The following MEIOC variants were observed in gnomAD, a reference collection of about 807,000 sequenced individuals.
MEIOC encodes the protein meiosis-specific coiled-coil domain-containing protein MEIOC.
MEIOC carries 9 observed loss-of-function variants against 85.3 expected under a neutral mutation model. The ratio of observed to expected loss-of-function variants is 0.11; its 90% CI spans 0.06 to 0.18. The LOEUF (loss-of-function observed/expected upper bound fraction) is 0.18. MEIOC is among the 10% of genes least tolerant of loss of function. MEIOC has a pLI of 1.00. For missense variants in MEIOC, 898 were observed against 1,129.4 expected (o/e 0.80, Z 2.94); for synonymous variants, 365 against 393.7 (o/e 0.93, Z 0.86).
Position 44,656,620 on chromosome 17 carries a change from G to C in MEIOC, c.7G>C (p.Val3Leu). 2.7e-6 allele frequency: 4 copies of C among 1,480,334 alleles called. No individual in the cohort carries two copies. The highest frequency in any genetic ancestry group is 3.6e-6 in the Non-Finnish European group (4 of 1,114,026). 91.7% of individuals were successfully genotyped at this position (1,480,334 alleles called of 1,614,324 possible). A position where few individuals can be genotyped will look rare whatever the true frequency, so the allele number is the denominator to read the frequency against. The change falls in exon 1 of 8, where the codon GTG (valine) becomes CTG (leucine). Residue 3 changes from valine (V) to leucine (L), a missense_variant. Physicochemically the swap from Val to Leu is conservative, Grantham distance 32. Coordinates refer to ENST00000409122, the MANE Select transcript of MEIOC (RefSeq NM_001145080.3). MEVRRGDTCPRPH... is the reference protein window; with the variant it reads MELRRGDTCPRPH... ...AGAGGCTGGGGGGCGCCCCATGGAG[G>C]TGAGACGCGGAGACACCTGCCCGCG...
intron 6 of MEIOC, chr17:44,670,076 TC>T (rs1971979486): frequency 6.6e-6 from 1 of 151,986 alleles, no homozygotes; most frequent in South Asian, 2.1e-4. Context: ...TTTGAGACCA[TC>T]CTGGGCAACA....
Position 44,656,572 on chromosome 17 carries a change from C to T in MEIOC, c.-42C>T. The T allele has an allele frequency of 7.1e-7, 1 of 1,410,028 alleles. No homozygotes were observed. The highest frequency in any genetic ancestry group is 9.3e-7 in the Non-Finnish European group (1 of 1,073,546). The allele number at this position is 1,410,028 out of a possible 1,614,324, so 87.3% of individuals were successfully genotyped here. On this transcript the variant is annotated 5_prime_UTR_variant, in exon 1 of 8. Transcript: ENST00000409122. ...ACGCCCCCCCCATCACCCCCGTACCCCAGGAGCTGTGCCTAGTCCAGGAGA... is the reference window on the plus strand; with the variant it reads ...ACGCCCCCCCCATCACCCCCGTACCTCAGGAGCTGTGCCTAGTCCAGGAGA...
intron 5 of MEIOC, among the ~76,000 whole-genome samples, chr17:44,668,646 T>C (rs1971950043): frequency 6.6e-6 from 1 of 152,220 alleles, no homozygotes; most frequent in Non-Finnish European, 1.5e-5. Context: ...GCCTTATTTC[T>C]GAGCTGAATT....
At chr17:44,668,707 G>A (rs377451167) in intron 5 of MEIOC, among the ~76,000 whole-genome samples, 2 of 152,020 alleles carry the variant, frequency 1.3e-5, no homozygotes, top group African/African-American at 4.8e-5. Flanking sequence ...GAATTAAGTG[G>A]GTTACTTAAA....
downstream of MEIOC, among the ~76,000 whole-genome samples, chr17:44,676,691 A>G (rs1463482472): frequency 6.6e-6 from 1 of 152,006 alleles, no homozygotes; most frequent in Non-Finnish European, 1.5e-5. Flanking sequence ...GTGTGGTGGC[A>G]CTCGCCTGTA....
At chr17:44,657,377 A>AATTT in intron 2 of MEIOC, 116 bp downstream of exon 2, 2 of 836,704 alleles carry the variant, frequency 2.4e-6, no homozygotes, top group Non-Finnish European at 3.4e-6. Context: ...ACCAGGGAAA[A>AATTT]CTTTTTTTTT....
At position 44,667,490 on chromosome 17, in the gene MEIOC, C is replaced by T. The variant is rs1225956953; in HGVS notation, c.1579C>T (p.Pro527Ser). ...CCAACTATCATCCACAAACTTAACCCCAAATAGCAATTTATTTCAGAAATA... is the reference window on the plus strand; with the variant it reads ...CCAACTATCATCCACAAACTTAACCTCAAATAGCAATTTATTTCAGAAATA... ...FPQLSSTNLTPNSNLFQKYCQ... is the reference protein window; with the variant it reads ...FPQLSSTNLTSNSNLFQKYCQ... Residue 527 changes from proline (P) to serine (S), a missense_variant, in exon 5 of 8, where the codon CCA (proline) becomes TCA (serine). Transcript: ENST00000409122. 1 of 1,613,834 alleles carries T rather than the reference C, an allele frequency of 6.2e-7. No individual in the cohort carries two copies. Among genetic ancestry groups the T allele is most frequent in the African/African-American group, 1.3e-5 (1 of 75,030 alleles).
intron 3 of MEIOC, among the ~76,000 whole-genome samples, chr17:44,662,998 C>T (rs750562563): frequency 1.3e-5 from 2 of 152,168 alleles, no homozygotes; most frequent in African/African-American, 4.8e-5. Flanking sequence ...TTAGTGGGAA[C>T]ATTTAGTGCA....
chr17:44,660,569 T>C (rs1358284349), intron 2 of MEIOC, among the ~76,000 whole-genome samples: 2 of 152,138 alleles, frequency 1.3e-5, no homozygotes, highest in Admixed American at 6.6e-5. Flanking sequence ...TATAAGAAAA[T>C]ACTATTTTCA....
At chr17:44,672,099 G>C (rs896920700) in intron 6 of MEIOC, among the ~76,000 whole-genome samples, 1 of 152,056 alleles carries the variant, frequency 6.6e-6, no homozygotes, top group African/African-American at 2.4e-5. Flanking sequence ...TCCTGCCTCA[G>C]CCTCCTGAAT....
In MEIOC at chr17:44,666,702, C is replaced by G; in HGVS notation, c.791C>G (p.Pro264Arg). 6.2e-7 allele frequency: 1 copy of G among 1,612,680 alleles called. No homozygotes were observed. The highest frequency in any genetic ancestry group is 8.5e-7 in the Non-Finnish European group (1 of 1,179,270). ...DTAKTTFQEY[P>R]LIKNCFTPQT... ...GCTAAGACAACATTCCAAGAATATC[C>G]ACTTATCAAAAACTGTTTTACACCC... is the stretch of plus-strand genomic sequence containing the variant. Residue 264 changes from proline (P) to arginine (R), a missense_variant, in exon 5 of 8, where the codon CCA (proline) becomes CGA (arginine). Pro to Arg is a moderately radical substitution (Grantham distance 103). This residue lies in a region of MEIOC where 734 missense variants were observed against 860.1 expected (regional missense o/e 0.85). Transcript: ENST00000409122.
chr17:44,670,932 T>C (rs1329578001), intron 6 of MEIOC: 1 of 152,182 alleles, frequency 6.6e-6, no homozygotes, highest in Non-Finnish European at 1.5e-5. Context: ...TCCTATTCTT[T>C]ATAATTTCAG....
chr17:44,657,074 C>T lies in MEIOC; in HGVS notation c.70-53C>T, dbSNP rs1315118789. 24 of 1,519,512 alleles carry T rather than the reference C, an allele frequency of 1.6e-5. No homozygotes were observed. In the East Asian group the frequency reaches 4.5e-4, roughly 28 times the overall value. 94.1% of individuals were successfully genotyped at this position (1,519,512 alleles called of 1,614,324 possible). A position where few individuals can be genotyped will look rare whatever the true frequency, so the allele number is the denominator to read the frequency against. On this transcript the variant is annotated intron_variant, in intron 1 of 7. Coordinates refer to ENST00000409122, the MANE Select transcript of MEIOC (RefSeq NM_001145080.3). Reference sequence around the variant, plus strand: ...AACAGGTGTCGGGCCGTTTCAGCTCCGGCGTCACCCTCGTGACCACTTTCT... The same window carrying T: ...AACAGGTGTCGGGCCGTTTCAGCTCTGGCGTCACCCTCGTGACCACTTTCT...
Position 44,665,370 on chromosome 17 carries a change from T to C in MEIOC, c.360-14T>C. On this transcript the variant is annotated splice_polypyrimidine_tract_variant and intron_variant, in intron 3 of 7. Coordinates refer to ENST00000409122, the MANE Select transcript of MEIOC (RefSeq NM_001145080.3). The stretch of plus-strand genomic sequence containing the variant: ...CAATATATTGTATTTCAGCACGAAT[T>C]CATTTATTTTTAGGATTCAAACAGA... The C allele has an allele frequency of 6.7e-7, 1 of 1,492,090 alleles. No homozygotes were observed. The highest frequency in any genetic ancestry group is 1.3e-5 in the South Asian group (1 of 78,886). The allele number at this position is 1,492,090 out of a possible 1,614,324, so 92.4% of individuals were successfully genotyped here. A position where few individuals can be genotyped will look rare whatever the true frequency, so the allele number is the denominator to read the frequency against.
intron 3 of MEIOC, 55 bp downstream of exon 3, chr17:44,662,526 G>A (rs765001575): frequency 3.2e-5 from 39 of 1,224,122 alleles, no homozygotes; most frequent in Non-Finnish European, 4.3e-5. Context: ...TAATTACATA[G>A]GAACTGAGGT....
rs767951508 is a variant in MEIOC, at chr17:44,667,706, A to T, written c.1795A>T (p.Ile599Leu). 3 of 1,613,572 alleles carry T rather than the reference A, an allele frequency of 1.9e-6. No homozygotes were observed. The highest frequency in any genetic ancestry group is 2.5e-6 in the Non-Finnish European group (3 of 1,179,694). Residue 599 changes from isoleucine (I) to leucine (L), a missense_variant, in exon 5 of 8, where the codon ATA (isoleucine) becomes TTA (leucine). Coordinates refer to ENST00000409122, the MANE Select transcript of MEIOC (RefSeq NM_001145080.3). ...TAACTATTCAGCTCAGAAGTATGGG[A>T]TAATTGAAAATGTAAACAAACATAA... Reference protein sequence around the residue: ...CDNYSAQKYGIIENVNKHNFQ... With the variant: ...CDNYSAQKYGLIENVNKHNFQ...
intron 5 of MEIOC, among the ~76,000 whole-genome samples, chr17:44,668,452 T>TCCTTAG (rs938729067): frequency 5.9e-4 from 90 of 152,234 alleles, no homozygotes; most frequent in African/African-American, 2.0e-3. Context: ...CAATCCTTCC[T>TCCTTAG]CCTCCTGAGT....
rs761094530 is a variant in MEIOC, at chr17:44,666,429, C to T, written c.518C>T (p.Ala173Val). The change falls in exon 5 of 8, where the codon GCA becomes GTA. Residue 173 changes from alanine (A) to valine (V), a missense_variant. Transcript: ENST00000409122. The stretch of plus-strand genomic sequence containing the variant: ...TGGCCAATGAACACAAGCAGATTTG[C>T]AGATCACCATGACCTCTTAACAGAA... Reference protein sequence around the residue: ...SVWPMNTSRFADHHDLLTETK... With the variant: ...SVWPMNTSRFVDHHDLLTETK... The T allele has an allele frequency of 3.2e-6, 5 of 1,554,330 alleles. No homozygotes were observed. Among genetic ancestry groups the T allele is most frequent in the Middle Eastern group, 1.7e-4 (1 of 5,990 alleles).
chr17:44,656,852 C>T (rs925473445), intron 1 of MEIOC, among the ~76,000 whole-genome samples, 170 bp downstream of exon 1: 5 of 128,414 alleles, frequency 3.9e-5, no homozygotes, highest in African/African-American at 1.5e-4. Context: ...GCTGACTGGA[C>T]GGGCCGGACG....
Sources: allele counts gnomAD v4.1 joint callset (sites outside exome capture counted in the v4.1 genomes callset), GRCh38; gene constraint gnomAD v4.1.1; regional missense constraint gnomAD v4.1.1; transcripts MANE v1.5; gene names NCBI Gene and HGNC (gene_info 2026-07-23, HGNC 2026-07-21).